The following MSRA variants were observed in gnomAD, a reference collection of about 807,000 sequenced individuals.
The protein encoded by MSRA is methionine sulfoxide reductase A, also known as mitochondrial peptide methionine sulfoxide reductase.
MSRA carries 54 observed loss-of-function variants against 31.3 expected under a neutral mutation model. The ratio of observed to expected loss-of-function variants is 1.73; its 90% confidence interval spans 1.39 to 2.17. MSRA has a LOEUF of 2.17. Among genes scored for constraint, MSRA ranks in the 30% most tolerant of loss-of-function variants. The pLI is 0.00. For missense variants in MSRA, 507 were observed against 300.9 expected (o/e 1.69, Z -5.07); for synonymous variants, 169 against 116.5 (o/e 1.45, Z -2.90).
intron 3 of MSRA, among the ~76,000 whole-genome samples, chr8:10,293,862 G>T (rs1800384521): frequency 6.6e-6 from 1 of 152,172 alleles, no homozygotes; most frequent in South Asian, 2.1e-4. Flanking sequence ...GCTACTCAGG[G>T]ATCTGTGGCG....
intron 3 of MSRA, among the ~76,000 whole-genome samples, chr8:10,277,554 G>A (rs1172026491): frequency 6.6e-6 from 1 of 152,158 alleles, no homozygotes; most frequent in Non-Finnish European, 1.5e-5. Context: ...TTCCAATACA[G>A]TCGTCTTGCT....
At chr8:10,320,943 G>A (rs1022537514) in intron 5 of MSRA, among the ~76,000 whole-genome samples, 1 of 152,114 alleles carries the variant, frequency 6.6e-6, no homozygotes, top group African/African-American at 2.4e-5. Flanking sequence ...AATTACCTCT[G>A]TAAAGACCCG....
At position 10,123,289 on chromosome 8, in the gene MSRA, TTC is replaced by T. The variant is rs1355297751; in HGVS notation, c.142+68633_142+68634del. 2.6e-5 allele frequency among the ~76,000 whole-genome samples: 4 copies of T among 152,360 alleles called. No homozygotes were observed. The South Asian group carries it at 6.2e-4, about 24-fold the overall frequency. On this transcript the variant is annotated intron_variant, in intron 1 of 5. Coordinates refer to ENST00000317173, the MANE Select transcript of MSRA (RefSeq NM_012331.5). The stretch of plus-strand genomic sequence containing the variant: ...TCTCTAATGATCAGAGATGTTGAAC[TTC>T]TTTTTTATATGATTGTTGGCTGCAT...
At chr8:10,156,256 G>T (rs949311001) in intron 1 of MSRA, among the ~76,000 whole-genome samples, 3 of 152,232 alleles carry the variant, frequency 2.0e-5, no homozygotes, top group African/African-American at 7.2e-5. Context: ...GACAATCGGG[G>T]AAATGTGAGT....
At chr8:10,260,446 C>T (rs17151505) in intron 3 of MSRA, among the ~76,000 whole-genome samples, 6,702 of 152,216 alleles carry the variant, frequency 0.044, 337 homozygotes, top group East Asian at 0.28. Flanking sequence ...GAATACCCCA[C>T]GACTCTAGCG....
At chr8:10,196,928 A>C (rs1326426858) in intron 1 of MSRA, among the ~76,000 whole-genome samples, 1 of 152,158 alleles carries the variant, frequency 6.6e-6, no homozygotes, top group Non-Finnish European at 1.5e-5. Context: ...GACTCTTTAT[A>C]GATATGTTTA....
chr8:10,352,667 C>T (rs1430373984), intron 5 of MSRA, among the ~76,000 whole-genome samples: 1 of 152,068 alleles, frequency 6.6e-6, no homozygotes, highest in Non-Finnish European at 1.5e-5. Context: ...TTGTAGAGTA[C>T]AAATCAGATT....
intron 5 of MSRA, among the ~76,000 whole-genome samples, chr8:10,381,808 G>C (rs1806087273): frequency 6.6e-6 from 1 of 152,166 alleles, no homozygotes; most frequent in Non-Finnish European, 1.5e-5. Context: ...TCAAGGAGCT[G>C]TAACAATGAC....
At chr8:10,351,048 C>T (rs1244402633) in intron 5 of MSRA, among the ~76,000 whole-genome samples, 2 of 152,190 alleles carry the variant, frequency 1.3e-5, no homozygotes, top group African/African-American at 4.8e-5. Context: ...AAGAGAACCT[C>T]GTTTAAGCTG....
At chr8:10,114,116 C>T (rs1021044932) in intron 1 of MSRA, among the ~76,000 whole-genome samples, 1 of 152,204 alleles carries the variant, frequency 6.6e-6, no homozygotes, top group Admixed American at 6.5e-5. Context: ...GTTCATGGTT[C>T]ATCTATGTTG....
chr8:10,392,766 G>A (rs1585665470), intron 5 of MSRA, among the ~76,000 whole-genome samples: 2 of 150,708 alleles, frequency 1.3e-5, no homozygotes, highest in South Asian at 4.2e-4. Flanking sequence ...AAAATGTTCA[G>A]CCAGGCGTGG....
intron 1 of MSRA, among the ~76,000 whole-genome samples, chr8:10,097,829 T>G (rs1166657831): frequency 6.6e-6 from 1 of 152,162 alleles, no homozygotes; most frequent in Non-Finnish European, 1.5e-5. Context: ...AAATATTAAA[T>G]TTTTCGATAC....
intron 4 of MSRA, among the ~76,000 whole-genome samples, chr8:10,303,310 GC>G (rs1800947752): frequency 6.6e-6 from 1 of 152,200 alleles, no homozygotes; most frequent in Non-Finnish European, 1.5e-5. Context: ...GCTCTTAAAT[GC>G]TTTCATTTGA....
At chr8:10,314,986 A>G (rs993573048) in intron 4 of MSRA, among the ~76,000 whole-genome samples, 1 of 152,250 alleles carries the variant, frequency 6.6e-6, no homozygotes, top group Non-Finnish European at 1.5e-5. Flanking sequence ...CAAGTTCCAC[A>G]TGGCTGGGGA....
At chr8:10,200,345 A>G (rs1347292312) in intron 1 of MSRA, among the ~76,000 whole-genome samples, 1 of 152,198 alleles carries the variant, frequency 6.6e-6, no homozygotes, top group East Asian at 1.9e-4. Context: ...TTTTGGGGGC[A>G]GCCCCCACTT....
chr8:10,259,698 T>G (rs1798369012), intron 3 of MSRA, among the ~76,000 whole-genome samples: 1 of 150,838 alleles, frequency 6.6e-6, no homozygotes, highest in South Asian at 2.1e-4. Flanking sequence ...AGGACTAGGG[T>G]TTCCTGGGGA....
intron 1 of MSRA, among the ~76,000 whole-genome samples, chr8:10,149,412 C>T (rs555565118): frequency 4.6e-5 from 7 of 152,218 alleles, no homozygotes; most frequent in Non-Finnish European, 8.8e-5. Context: ...GCGTGAGCCA[C>T]CGCGCCCGGC....
intron 1 of MSRA, among the ~76,000 whole-genome samples, chr8:10,207,046 T>TCTTA (rs1809052841): frequency 6.6e-6 from 1 of 152,210 alleles, no homozygotes; most frequent in Non-Finnish European, 1.5e-5. Flanking sequence ...TCCACATAAG[T>TCTTA]GCTCCTATTC....
intron 1 of MSRA, among the ~76,000 whole-genome samples, chr8:10,195,388 A>G (rs551644125): frequency 9.2e-5 from 14 of 152,258 alleles, no homozygotes; most frequent in Admixed American, 3.3e-4. Context: ...CTACAGGCAC[A>G]TGCCACCACG....
Sources: gnomAD v4.1 joint callset for allele counts (sites outside exome capture counted in the v4.1 genomes callset) on GRCh38, gnomAD v4.1.1 for gene constraint, MANE v1.5 for transcripts, NCBI Gene and HGNC (gene_info 2026-07-23, HGNC 2026-07-21) for gene names.